The following ZNF184 variants were observed in gnomAD, a reference collection of about 807,000 sequenced individuals.
The protein encoded by ZNF184 is zinc finger protein 184.
Under a neutral mutation model 54.4 loss-of-function variants are expected in ZNF184, and 16 were observed. That is an observed-to-expected ratio of 0.29 (90% CI 0.20 to 0.45). The LOEUF (loss-of-function observed/expected upper bound fraction) is 0.45. Among genes scored for constraint, ZNF184 ranks in the 20% least tolerant of loss-of-function variants. The pLI is 1.00. For missense variants in ZNF184, 681 were observed against 888.2 expected, an observed-to-expected ratio of 0.77 and a Z score of 2.97; for synonymous variants, 254 against 295.3, an observed-to-expected ratio of 0.86 and a Z score of 1.43.
the ZNF184 span, among the ~76,000 whole-genome samples, chr6:27,423,474 G>A: frequency 0.072 from 10,895 of 151,992 alleles, 478 homozygotes; most frequent in Middle Eastern, 0.17. Flanking sequence ...TTTGAAGAAA[G>A]ATGAGCCACT....
chr6:27,451,652 T>A lies in ZNF184; in HGVS notation c.1907A>T (p.His636Leu), dbSNP rs1762724991. The A allele has an allele frequency of 6.2e-7, 1 of 1,614,126 alleles. No homozygotes were observed. The highest frequency in any genetic ancestry group is 1.1e-5 in the South Asian group (1 of 91,078). The change falls in exon 6 of 6, where the codon CAC (histidine) becomes CTC (leucine). Residue 636 changes from histidine (H) to leucine (L), a missense_variant. Coordinates refer to ENST00000683788, the MANE Select transcript of ZNF184 (RefSeq NM_001318891.2). The part of the protein sequence containing the change: ...CSSLAQHQKT[H>L]TEEKPYQCNK... ...ACACTGGTAGGGTTTTTCTTCTGTG[T>A]GAGTTTTTTGATGTTGAGCAAGAGA...
intron 3 of ZNF184, among the ~76,000 whole-genome samples, chr6:27,462,690 C>T (rs1763026992): frequency 6.6e-6 from 1 of 150,730 alleles, no homozygotes; most frequent in Non-Finnish European, 1.5e-5. Context: ...TGGCAAAACG[C>T]TGTCTCTACT....
chr6:27,422,767 C>T, the ZNF184 span, among the ~76,000 whole-genome samples: 5 of 151,738 alleles, frequency 3.3e-5, no homozygotes, highest in Non-Finnish European at 7.4e-5. Flanking sequence ...CGCAGTATCG[C>T]CCAAACCCGA....
At chr6:27,416,032 C>T in the ZNF184 span, among the ~76,000 whole-genome samples, 1 of 152,158 alleles carries the variant, frequency 6.6e-6, no homozygotes, top group Non-Finnish European at 1.5e-5. Context: ...ATGGCATTCT[C>T]CCCGTATCTT....
Position 27,472,168 on chromosome 6 carries a change from C to T in ZNF184, c.7+120G>A. On this transcript the variant is annotated intron_variant, in intron 2 of 5. Coordinates refer to ENST00000683788, the MANE Select transcript of ZNF184 (RefSeq NM_001318891.2). This position sits in a 1 kb window ranked among gnomAD's most constrained non-coding sequence, Gnocchi z 4.8. ...AATGTAATTCGGTTTCTTTGCTAATCCCTAAGCATACCGTTCCTTCCTTCC... is the reference window on the plus strand; with the variant it reads ...AATGTAATTCGGTTTCTTTGCTAATTCCTAAGCATACCGTTCCTTCCTTCC... 1 of 1,359,834 alleles carries T rather than the reference C, an allele frequency of 7.4e-7. No individual in the cohort carries two copies. 84.2% of individuals were successfully genotyped at this position (1,359,834 alleles called of 1,614,324 possible). A position where few individuals can be genotyped will look rare whatever the true frequency, so the allele number is the denominator to read the frequency against.
chr6:27,411,340 C>T, the ZNF184 span, among the ~76,000 whole-genome samples: 9,892 of 152,184 alleles, frequency 0.065, 397 homozygotes, highest in Non-Finnish European at 0.084. Context: ...GATTAAGTTT[C>T]AATATACGAA....
chr6:27,424,494 C>T, the ZNF184 span, among the ~76,000 whole-genome samples: 2 of 152,148 alleles, frequency 1.3e-5, no homozygotes, highest in African/African-American at 4.8e-5. Flanking sequence ...TTTATAATCC[C>T]TGAGCTAGAC....
chr6:27,427,736 C>T, the ZNF184 span, among the ~76,000 whole-genome samples: 1 of 152,172 alleles, frequency 6.6e-6, no homozygotes, highest in Non-Finnish European at 1.5e-5. Flanking sequence ...CAAAAAGGAG[C>T]TAATCATCTT....
chr6:27,443,044 T>C, the ZNF184 span, among the ~76,000 whole-genome samples: 1 of 152,302 alleles, frequency 6.6e-6, no homozygotes, highest in Non-Finnish European at 1.5e-5. Flanking sequence ...GTTCCCAAAT[T>C]ATCAAAGCCA....
chr6:27,466,344 T>C (rs1318709350), intron 3 of ZNF184, among the ~76,000 whole-genome samples: 2 of 152,202 alleles, frequency 1.3e-5, no homozygotes, highest in African/African-American at 2.4e-5. Flanking sequence ...TGTGAGTAAA[T>C]TGTGTTATTT....
the ZNF184 span, among the ~76,000 whole-genome samples, chr6:27,414,047 T>C: frequency 2.0e-5 from 3 of 152,174 alleles, no homozygotes; most frequent in Non-Finnish European, 4.4e-5. Flanking sequence ...ATTGATAATT[T>C]CCTCACAACT....
intron 2 of ZNF184, among the ~76,000 whole-genome samples, chr6:27,470,304 C>G (rs924355596): frequency 1.3e-5 from 2 of 151,968 alleles, no homozygotes; most frequent in East Asian, 3.8e-4. Flanking sequence ...TAGCACCATG[C>G]TGGCAACAGT....
rs920547288 is a variant in ZNF184 at position 27,451,985 on chromosome 6, G to A, written c.1574C>T (p.Thr525Ile). The part of the protein sequence containing the change: ...SNLNQHQKTH[T>I]QEKAYECKEC... Reference sequence around the variant, plus strand: ...TTTACATTCATAAGCTTTCTCTTGAGTATGAGTTTTCTGATGCTGATTAAG... The same window carrying A: ...TTTACATTCATAAGCTTTCTCTTGAATATGAGTTTTCTGATGCTGATTAAG... The change falls in exon 6 of 6, where the codon ACT becomes ATT. Residue 525 changes from threonine to isoleucine, a missense_variant. Thr to Ile is a moderately conservative substitution (Grantham distance 89). Transcript: ENST00000683788. The A allele has an allele frequency of 4.3e-6, 7 of 1,613,640 alleles. No individual in the cohort carries two copies. The Admixed American group carries it at 5.0e-5, about 12-fold the overall frequency.
chr6:27,467,794 C>A (rs1763177826), intron 3 of ZNF184, 59 bp downstream of exon 3: 3 of 1,515,982 alleles, frequency 2.0e-6, no homozygotes, highest in Non-Finnish European at 2.7e-6. Context: ...CAAAACAAAA[C>A]AAAAAACCAC....
At chr6:27,423,705 T>C in the ZNF184 span, among the ~76,000 whole-genome samples, 2 of 151,926 alleles carry the variant, frequency 1.3e-5, no homozygotes, top group East Asian at 3.8e-4. Flanking sequence ...CCAGCCCTTT[T>C]ACAATTTAGA....
At chr6:27,418,821 G>A in the ZNF184 span, among the ~76,000 whole-genome samples, 2 of 152,012 alleles carry the variant, frequency 1.3e-5, no homozygotes. Context: ...TTTGGCTTCT[G>A]TCATTTTGTA....
At chr6:27,406,991 C>T in the ZNF184 span, 163 of 152,682 alleles carry the variant, frequency 1.1e-3, no homozygotes, top group African/African-American at 3.7e-3. Flanking sequence ...CATCCACTGC[C>T]TCCCATGTTT....
chr6:27,419,822 C>T, the ZNF184 span, among the ~76,000 whole-genome samples: 2 of 152,292 alleles, frequency 1.3e-5, no homozygotes, highest in Admixed American at 1.3e-4. This position sits in a 1 kb window ranked among gnomAD's most constrained non-coding sequence, Gnocchi z 4.8. Context: ...CTGCATTTCT[C>T]CCAGCTTTCT....
chr6:27,408,591 T>C, the ZNF184 span, among the ~76,000 whole-genome samples: 1 of 152,226 alleles, frequency 6.6e-6, no homozygotes, highest in Non-Finnish European at 1.5e-5. Context: ...TTCTGTATCC[T>C]CCAGCCCTCT....
Sources: allele counts gnomAD v4.1 joint callset (sites outside exome capture counted in the v4.1 genomes callset), GRCh38; gene constraint gnomAD v4.1.1; non-coding constraint Gnocchi (gnomAD v3.1); transcripts MANE v1.5; gene names NCBI Gene and HGNC (gene_info 2026-07-23, HGNC 2026-07-21).